SCRN3: variants seen among roughly 807,000 people sequenced by gnomAD.
The protein encoded by SCRN3 is secernin-3.
A neutral mutation model predicts 43.1 loss-of-function variants in SCRN3; 39 were observed. The observed-to-expected ratio is 0.91, with a 90% CI of 0.70 to 1.18. SCRN3 has a LOEUF of 1.18. Ranked by LOEUF, SCRN3 falls within the 50% of genes most tolerant of loss-of-function variation. The pLI, the probability that SCRN3 is intolerant of heterozygous loss-of-function variation, is 0.00. For missense variants in SCRN3, 484 were observed against 498.0 expected (o/e 0.97, Z 0.27); for synonymous variants, 147 against 163.1 (o/e 0.90, Z 0.75).
intron 5 of SCRN3, chr2:174,410,328 G>A (rs1409412901): frequency 2.0e-5 from 3 of 151,094 alleles, no homozygotes; most frequent in Admixed American, 6.6e-5. Flanking sequence ...CGCGCACGGT[G>A]CGCGCTCCCA....
At chr2:174,402,666 G>A (rs563391969) in intron 4 of SCRN3, among the ~76,000 whole-genome samples, 12 of 152,278 alleles carry the variant, frequency 7.9e-5, no homozygotes, top group African/African-American at 2.4e-4. Context: ...TCTAGCCTGG[G>A]CGAGAGAGTG....
intron 5 of SCRN3, among the ~76,000 whole-genome samples, chr2:174,417,008 T>G (rs2105608938): frequency 6.6e-6 from 1 of 152,342 alleles, no homozygotes; most frequent in East Asian, 1.9e-4. Context: ...TTTGAAAAGT[T>G]TTCTGTAAAG....
chr2:174,416,016 A>G lies in SCRN3; in HGVS notation c.755-6869A>G, dbSNP rs368988419. 2.0e-4 allele frequency among the ~76,000 whole-genome samples: 31 copies of G among 152,298 alleles called. No homozygotes were observed. In the South Asian group the frequency reaches 5.8e-3, roughly 29 times the overall value. On this transcript the variant is annotated intron_variant, in intron 5 of 7. Transcript: ENST00000272732. The stretch of plus-strand genomic sequence containing the variant: ...GATCAGTGATTGATATTTGCTTCTC[A>G]TGTATTCATTAAACAAATTATATGG...
intron 5 of SCRN3, among the ~76,000 whole-genome samples, chr2:174,412,035 C>G (rs961804574): frequency 1.3e-5 from 2 of 152,118 alleles, no homozygotes; most frequent in African/African-American, 2.4e-5. Context: ...CTCTGTCTCT[C>G]TCTCTCTGAA....
At chr2:174,399,793 T>C in intron 2 of SCRN3, 129 bp from the exon 3 acceptor site, 2 of 559,414 alleles carry the variant, frequency 3.6e-6, no homozygotes, top group Non-Finnish European at 5.5e-6. Flanking sequence ...AAAATTTCAA[T>C]TTACTTATAT....
chr2:174,410,140 G>C (rs1201761486), intron 5 of SCRN3: 1 of 151,640 alleles, frequency 6.6e-6, no homozygotes, highest in Non-Finnish European at 1.5e-5. Context: ...CTCCGAGCCA[G>C]GTGTGGGATA....
chr2:174,409,746 GA>G (rs1270783531), intron 5 of SCRN3, among the ~76,000 whole-genome samples: 1 of 144,260 alleles, frequency 6.9e-6, no homozygotes, highest in African/African-American at 2.5e-5. Flanking sequence ...CCCCTGCTGG[GA>G]GGTGCCTCCC....
rs867652339 is a variant in SCRN3, at chr2:174,404,238, C to A, written c.677C>A (p.Ser226Tyr). The change falls in exon 5 of 8, where the codon TCC (serine) becomes TAC (tyrosine). Residue 226 changes from serine (S) to tyrosine (Y), a missense_variant. Physicochemically the swap from Ser to Tyr is moderately radical, Grantham distance 144. Transcript: ENST00000272732. Reference sequence around the variant, plus strand: ...GAGTTTGATTTTGCTGCAGCATATTCCTATCTTGACACAGCCAAGATGATG... The same window carrying A: ...GAGTTTGATTTTGCTGCAGCATATTACTATCTTGACACAGCCAAGATGATG... ...KKEFDFAAAY[S>Y]YLDTAKMMTS... 6.8e-6 allele frequency: 11 copies of A among 1,613,804 alleles called. No individual in the cohort carries two copies. The highest frequency in any genetic ancestry group is 3.3e-5 in the South Asian group (3 of 91,064).
chr2:174,397,340 A>G, intron 1 of SCRN3: 1 of 984,686 alleles, frequency 1.0e-6, no homozygotes, highest in Non-Finnish European at 1.2e-6. Context: ...TGGCAGCAAA[A>G]TAAGGACCTT....
intron 7 of SCRN3, among the ~76,000 whole-genome samples, chr2:174,424,916 T>A (rs1266995524): frequency 1.3e-5 from 2 of 152,214 alleles, no homozygotes; most frequent in Non-Finnish European, 2.9e-5. Context: ...TTACATGAAT[T>A]ATTTTATCTA....
intron 5 of SCRN3, among the ~76,000 whole-genome samples, chr2:174,422,106 A>G (rs1256344926): frequency 1.3e-5 from 2 of 152,136 alleles, no homozygotes; most frequent in East Asian, 1.9e-4. Flanking sequence ...ATCAGTAACT[A>G]TATTATATTT....
intron 5 of SCRN3, among the ~76,000 whole-genome samples, chr2:174,411,795 C>T (rs573685557): frequency 9.2e-5 from 14 of 152,160 alleles, no homozygotes; most frequent in African/African-American, 2.4e-4. Flanking sequence ...GGTGCAGGCA[C>T]CTGTAATCCC....
intron 5 of SCRN3, among the ~76,000 whole-genome samples, chr2:174,406,099 G>T (rs1219733676): frequency 1.4e-5 from 2 of 139,456 alleles, no homozygotes; most frequent in African/African-American, 5.0e-5. Flanking sequence ...AGCATGGAAT[G>T]TTCTTCCATT....
At chr2:174,406,992 T>A (rs1169635870) in intron 5 of SCRN3, among the ~76,000 whole-genome samples, 2 of 55,394 alleles carry the variant, frequency 3.6e-5, no homozygotes, top group African/African-American at 1.3e-4. Context: ...TTAGGGAGGA[T>A]TCCCTCTTTT....
chr2:174,402,903 A>G (rs1685554119), intron 4 of SCRN3, among the ~76,000 whole-genome samples: 1 of 152,142 alleles, frequency 6.6e-6, no homozygotes, highest in South Asian at 2.1e-4. Flanking sequence ...CATTTAGTAT[A>G]ATCTCTAAGA....
chr2:174,399,924 T>G lies in SCRN3; in HGVS notation c.162T>G (p.Cys54Trp). The G allele has an allele frequency of 6.8e-7, 1 of 1,464,578 alleles. No homozygotes were observed. The highest frequency in any genetic ancestry group is 9.0e-7 in the Non-Finnish European group (1 of 1,109,122). 90.7% of individuals were successfully genotyped at this position (1,464,578 alleles called of 1,614,324 possible). A position where few individuals can be genotyped will look rare whatever the true frequency, so the allele number is the denominator to read the frequency against. ...VHDNLGERLK[C>W]TYIEIDQVPE... Reference sequence around the variant, plus strand: ...CTTTTTTTTTTTTTTTTTTACAGTGTACATATATAGAAATTGATCAAGTTC... The same window carrying G: ...CTTTTTTTTTTTTTTTTTTACAGTGGACATATATAGAAATTGATCAAGTTC... The change falls in exon 3 of 8, where the codon TGT becomes TGG. Residue 54 changes from cysteine (C) to tryptophan (W), a missense_variant and splice_region_variant. Transcript: ENST00000272732.
intron 5 of SCRN3, among the ~76,000 whole-genome samples, chr2:174,420,173 AT>A (rs11365944): frequency 0.74 from 112,494 of 151,632 alleles, 42,922 homozygotes; most frequent in Middle Eastern, 0.84. Flanking sequence ...CTAAGCAGAG[AT>A]TTTTTTTTGC....
intron 1 of SCRN3, among the ~76,000 whole-genome samples, chr2:174,398,000 T>C (rs193251040): frequency 6.6e-5 from 10 of 152,224 alleles, no homozygotes; most frequent in Non-Finnish European, 1.3e-4. Flanking sequence ...CGGTCACTCA[T>C]GCCTGTAATC....
Position 174,396,206 on chromosome 2 carries a change from C to G in SCRN3, c.-10+389C>G, listed in dbSNP as rs1244782778. On this transcript the variant is annotated intron_variant, in intron 1 of 7. Transcript: ENST00000272732. The stretch of plus-strand genomic sequence containing the variant: ...AGACAGCTCTGCAAGAACGGAGGCC[C>G]TGTCTATTTTGTACCCAGCTGTACG... The G allele has an allele frequency of 3.5e-6, 3 of 848,802 alleles. No homozygotes were observed. The African/African-American group carries it at 5.4e-5, about 15-fold the overall frequency. The allele number at this position is 848,802 out of a possible 1,614,324, so 52.6% of individuals were successfully genotyped here.
Sources: allele counts gnomAD v4.1 joint callset (sites outside exome capture counted in the v4.1 genomes callset), GRCh38; gene constraint gnomAD v4.1.1; transcripts MANE v1.5; gene names NCBI Gene and HGNC (gene_info 2026-07-23, HGNC 2026-07-21).